Variants in TYW5 observed in about 807,000 individuals in gnomAD.
The protein encoded by TYW5 is tRNA-yW synthesizing protein 5.
Under a neutral mutation model 44.4 loss-of-function variants are expected in TYW5, and 36 were observed. The ratio of observed to expected loss-of-function variants is 0.81; its 90% CI spans 0.62 to 1.07. The LOEUF is 1.07. TYW5 is among the 50% of genes least tolerant of loss of function. The probability of loss-of-function intolerance (pLI) is 0.00; values close to 1 mark genes in which losing one functional copy is unlikely to be tolerated. For missense variants in TYW5, 354 were observed against 365.7 expected (o/e 0.97, Z 0.26); for synonymous variants, 121 against 128.1 (o/e 0.94, Z 0.37).
rs368999352 is a variant in TYW5, at chr2:199,933,376, A to C, written c.692-53T>G. On this transcript the variant is annotated intron_variant, in intron 7 of 7. Coordinates refer to ENST00000354611, the MANE Select transcript of TYW5 (RefSeq NM_001039693.3). The stretch of plus-strand genomic sequence containing the variant: ...AAATAAAACCTACAGTTAAAAAAAA[A>C]CCCAAAATGTCAGTGAAATATCACG... 1,408 of 1,483,290 alleles carry C rather than the reference A, an allele frequency of 9.5e-4. 4 individuals are homozygous for C. Among genetic ancestry groups the C allele is most frequent in the Middle Eastern group, 1.8e-3 (10 of 5,462 alleles). 91.9% of individuals were successfully genotyped at this position (1,483,290 alleles called of 1,614,324 possible). A position where few individuals can be genotyped will look rare whatever the true frequency, so the allele number is the denominator to read the frequency against.
At chr2:199,941,727 G>A (rs1414202688) in intron 3 of TYW5, among the ~76,000 whole-genome samples, 1 of 152,192 alleles carries the variant, frequency 6.6e-6, no homozygotes, top group Non-Finnish European at 1.5e-5. Flanking sequence ...GCACTGCTCA[G>A]AAATTCCTTC....
At chr2:199,953,971 TA>T (rs2077570382) in intron 1 of TYW5, among the ~76,000 whole-genome samples, 1 of 152,194 alleles carries the variant, frequency 6.6e-6, no homozygotes, top group Non-Finnish European at 1.5e-5. Flanking sequence ...CATTCTGAGA[TA>T]GGGGGTGTCT....
rs2077507393 is a variant in TYW5 at position 199,946,807 on chromosome 2, GCA to G, written c.233+1509_233+1510del. The G allele has an allele frequency of 2.0e-5, 3 of 152,030 alleles. No individual in the cohort carries two copies. The South Asian group carries it at 6.2e-4, about 32-fold the overall frequency. The allele number at this position is 152,030 out of a possible 1,614,324, so 9.4% of individuals were successfully genotyped here. A position where few individuals can be genotyped will look rare whatever the true frequency, so the allele number is the denominator to read the frequency against. Reference sequence around the variant, plus strand: ...TGGTTGCACTAAAAAAAATAATCTTGCAACTTTTTAGTAGCTCTAGTGAAAGG... The same window carrying G: ...TGGTTGCACTAAAAAAAATAATCTTGACTTTTTAGTAGCTCTAGTGAAAGG... On this transcript the variant is annotated intron_variant, in intron 2 of 7. Coordinates refer to ENST00000354611, the MANE Select transcript of TYW5 (RefSeq NM_001039693.3).
At position 199,932,956 on chromosome 2, in the gene TYW5, G is replaced by T; in HGVS notation, c.*111C>A. The T allele has an allele frequency of 3.9e-6, 5 of 1,277,424 alleles. No homozygotes were observed. Among genetic ancestry groups the T allele is most frequent in the Non-Finnish European group, 4.3e-6 (4 of 930,288 alleles). 79.1% of individuals were successfully genotyped at this position (1,277,424 alleles called of 1,614,324 possible). A position where few individuals can be genotyped will look rare whatever the true frequency, so the allele number is the denominator to read the frequency against. The stretch of plus-strand genomic sequence containing the variant: ...GTAGAATCCACACAAACACCCCTTC[G>T]TACTTACATAATCTGTAAATCTGAT... On this transcript the variant is annotated 3_prime_UTR_variant, in exon 8 of 8. Transcript: ENST00000354611.
chr2:199,940,383 T>C (rs932137070), intron 3 of TYW5, among the ~76,000 whole-genome samples: 6 of 152,202 alleles, frequency 3.9e-5, no homozygotes, highest in Non-Finnish European at 8.8e-5. Flanking sequence ...CTGGGCGTGG[T>C]GGGTCACAAC....
chr2:199,941,187 T>C (rs2077461689), intron 3 of TYW5, among the ~76,000 whole-genome samples: 1 of 152,070 alleles, frequency 6.6e-6, no homozygotes, highest in Non-Finnish European at 1.5e-5. Context: ...GCCTCCCGAG[T>C]AGCTGGGACA....
At chr2:199,943,465 C>G in intron 3 of TYW5, 1 of 233,092 alleles carries the variant, frequency 4.3e-6, no homozygotes, top group Non-Finnish European at 8.3e-6. Context: ...TTCTATACAT[C>G]AGGCACACTG....
Position 199,932,882 on chromosome 2 carries a change from A to T in TYW5, c.*185T>A. The T allele has an allele frequency of 1.5e-6, 1 of 658,096 alleles. No individual in the cohort carries two copies. Among genetic ancestry groups the T allele is most frequent in the Non-Finnish European group, 2.4e-6 (1 of 409,306 alleles). 40.8% of individuals were successfully genotyped at this position (658,096 alleles called of 1,614,324 possible). A position where few individuals can be genotyped will look rare whatever the true frequency, so the allele number is the denominator to read the frequency against. On this transcript the variant is annotated 3_prime_UTR_variant, in exon 8 of 8. Coordinates refer to ENST00000354611, the MANE Select transcript of TYW5 (RefSeq NM_001039693.3). ...TTTTAGTGGTCAGCATCTGAATGTT[A>T]AAGAGTGGTCCCAGCACAGCATTCT...
chr2:199,938,791 C>T (rs979906667), intron 5 of TYW5, 142 bp downstream of exon 5: 40 of 803,592 alleles, frequency 5.0e-5, no homozygotes, highest in Non-Finnish European at 6.9e-5. Flanking sequence ...CACTGCTATG[C>T]ACAGCACCTA....
chr2:199,948,234 G>C (rs1324534910), intron 2 of TYW5, 84 bp downstream of exon 2: 1 of 1,385,890 alleles, frequency 7.2e-7, no homozygotes, highest in South Asian at 1.2e-5. Context: ...AATGCCATAT[G>C]GTCTTTGTAT....
Position 199,932,830 on chromosome 2 carries a change from CT to C in TYW5, c.*236del. ...TATTGTGAATCAATATATTTTCTTA[CT>C]GTTTTTAAGTCATTTTAAGTTGGAC... On this transcript the variant is annotated 3_prime_UTR_variant, in exon 8 of 8. Transcript: ENST00000354611. The C allele has an allele frequency of 2.1e-6, 1 of 484,812 alleles. No individual in the cohort carries two copies. The highest frequency in any genetic ancestry group is 3.3e-5 in the South Asian group (1 of 30,054). The allele number at this position is 484,812 out of a possible 1,614,324, so 30.0% of individuals were successfully genotyped here.
rs753109885 is a variant in TYW5, at chr2:199,948,465, G to T, written c.86C>A (p.Pro29His). 1 of 1,613,818 alleles carries T rather than the reference G, an allele frequency of 6.2e-7. No homozygotes were observed. Among genetic ancestry groups the T allele is most frequent in the South Asian group, 1.1e-5 (1 of 91,004 alleles). The change falls in exon 2 of 8, where the codon CCT (proline) becomes CAT (histidine). Residue 29 changes from proline to histidine, a missense_variant. Coordinates refer to ENST00000354611, the MANE Select transcript of TYW5 (RefSeq NM_001039693.3). ...FMQHLYPQRK[P>H]LVLEGIDLGP... The stretch of plus-strand genomic sequence containing the variant: ...CAAATCAATCCCTTCCAACACAAGA[G>T]GTTTTCTCTGTAAGTGGGGAAAGAA...
chr2:199,939,066 A>C lies in TYW5; in HGVS notation c.353T>G (p.Val118Gly), dbSNP rs201481397. ...AGGAAACTGCTTTCTGATATCTGCA[A>C]CATCCTGCATTTACAGAAACATAAA... ...RSLGEDPRKD[V>G]ADIRKQFPLL... Residue 118 changes from valine (V) to glycine (G), a missense_variant, in exon 5 of 8, where the codon GTT (valine) becomes GGT (glycine). Val to Gly is a moderately radical substitution (Grantham distance 109). Coordinates refer to ENST00000354611, the MANE Select transcript of TYW5 (RefSeq NM_001039693.3). 1.2e-4 allele frequency: 189 copies of C among 1,602,508 alleles called. No homozygotes were observed. Among genetic ancestry groups the C allele is most frequent in the Non-Finnish European group, 6.6e-5 (78 of 1,177,056 alleles).
intron 4 of TYW5, 26 bp downstream of exon 4, chr2:199,940,063 A>G: frequency 6.2e-7 from 1 of 1,604,676 alleles, no homozygotes; most frequent in African/African-American, 1.3e-5. Context: ...GATTTTAGGG[A>G]ATTGTTTTAC....
chr2:199,935,849 TAAAA>T (rs371263004), intron 7 of TYW5, 78 bp downstream of exon 7: 2 of 742,868 alleles, frequency 2.7e-6, no homozygotes, highest in Admixed American at 2.5e-5. Context: ...ATATTTGTAC[TAAAA>T]AAAAAAAATC....
rs2077452493 is a variant in TYW5, at chr2:199,940,133, C to G, written c.304G>C (p.Asp102His). ...EKHKEFFVSE[D>H]EKYYLRSLGE... Reference sequence around the variant, plus strand: ...AGTGACCGTAAGTAGTATTTCTCATCCTTAAACACCCCAGAGAAAAATAAC... The same window carrying G: ...AGTGACCGTAAGTAGTATTTCTCATGCTTAAACACCCCAGAGAAAAATAAC... Residue 102 changes from aspartate (D) to histidine (H), a missense_variant and splice_region_variant, in exon 4 of 8, where the codon GAT becomes CAT. Transcript: ENST00000354611. The G allele has an allele frequency of 6.2e-7, 1 of 1,612,002 alleles. No homozygotes were observed. Among genetic ancestry groups the G allele is most frequent in the Admixed American group, 1.7e-5 (1 of 59,614 alleles).
Position 199,931,509 on chromosome 2 carries a change from AG to A in TYW5, c.*1557del, listed in dbSNP as rs1244248966. 1 of 152,198 alleles carries A rather than the reference AG, an allele frequency of 6.6e-6. No individual in the cohort carries two copies. The highest frequency in any genetic ancestry group is 2.4e-5 in the African/African-American group (1 of 41,468). The allele number at this position is 152,198 out of a possible 1,614,324, so 9.4% of individuals were successfully genotyped here. ...TTGTCTTTTTCCTTACTGAAGGACAAGGAATCAGTAAAGAAGTTCTTTGCTT... is the reference window on the plus strand; with the variant it reads ...TTGTCTTTTTCCTTACTGAAGGACAAGAATCAGTAAAGAAGTTCTTTGCTT... On this transcript the variant is annotated 3_prime_UTR_variant, in exon 8 of 8. Coordinates refer to ENST00000354611, the MANE Select transcript of TYW5 (RefSeq NM_001039693.3).
At chr2:199,944,028 A>C in intron 2 of TYW5, 194 bp from the exon 3 acceptor site, 1 of 449,990 alleles carries the variant, frequency 2.2e-6, no homozygotes, top group Non-Finnish European at 3.9e-6. Flanking sequence ...ACTTGATCTA[A>C]GTTGTCTGAA....
rs2077383405 is a variant in TYW5 at position 199,932,165 on chromosome 2, T to C, written c.*902A>G. The C allele has an allele frequency of 6.6e-6, 1 of 152,136 alleles. No homozygotes were observed. The highest frequency in any genetic ancestry group is 1.5e-5 in the Non-Finnish European group (1 of 68,024). The allele number at this position is 152,136 out of a possible 1,614,324, so 9.4% of individuals were successfully genotyped here. A position where few individuals can be genotyped will look rare whatever the true frequency, so the allele number is the denominator to read the frequency against. ...AGTCACTATCATCAACTCCAGTTGA[T>C]CTCAGCTCTGATTATGCATCAGAAC... On this transcript the variant is annotated 3_prime_UTR_variant, in exon 8 of 8. Coordinates refer to ENST00000354611, the MANE Select transcript of TYW5 (RefSeq NM_001039693.3).
Sources: gnomAD v4.1 joint callset for allele counts (sites outside exome capture counted in the v4.1 genomes callset) on GRCh38, gnomAD v4.1.1 for gene constraint, MANE v1.5 for transcripts, NCBI Gene and HGNC (gene_info 2026-07-23, HGNC 2026-07-21) for gene names.